The following SPATC1L variants were observed in gnomAD, a reference collection of about 807,000 sequenced individuals.
SPATC1L encodes the protein spermatogenesis and centriole associated 1 like, also known as speriolin-like protein.
In SPATC1L, 20 loss-of-function variants were observed where a neutral mutation model predicts 21.2. The observed-to-expected ratio is 0.94, with a 90% CI of 0.66 to 1.37. The LOEUF is 1.37. Ranked by LOEUF, SPATC1L falls within the 40% of genes most tolerant of loss-of-function variation. SPATC1L has a pLI of 0.00. For synonymous variants in SPATC1L, 290 were observed against 234.5 expected, an observed-to-expected ratio of 1.24 and a Z score of -2.16; for missense variants, 499 against 478.7, an observed-to-expected ratio of 1.04 and a Z score of -0.40.
At chr21:46,177,099 A>G (rs997649913) in intron 2 of SPATC1L, among the ~76,000 whole-genome samples, 1 of 152,234 alleles carries the variant, frequency 6.6e-6, no homozygotes. Flanking sequence ...CTTACACCAT[A>G]TACAAAAATC....
Position 46,182,777 on chromosome 21 carries a change from C to CGCTCAGGAGCCG in SPATC1L, c.28_39dup (p.Arg10_Ser13dup). The CGCTCAGGAGCCG allele has an allele frequency of 6.5e-7, 1 of 1,546,612 alleles. No homozygotes were observed. The highest frequency in any genetic ancestry group is 8.7e-7 in the Non-Finnish European group (1 of 1,145,594). ...ACCTGCTTCTTCAGGTCCGCGTTCT[C>CGCTCAGGAGCCG]GCTCAGGAGCCGGCTCATCAGCTCG... is the stretch of plus-strand genomic sequence containing the variant. On this transcript the variant is annotated inframe_insertion, in exon 2 of 5. Transcript: ENST00000291672.
chr21:46,164,560 G>A (rs1479964588), intron 3 of SPATC1L, among the ~76,000 whole-genome samples: 1 of 152,054 alleles, frequency 6.6e-6, no homozygotes, highest in Non-Finnish European at 1.5e-5. Context: ...TTGGGAAGCC[G>A]AGGTGGGTGG....
chr21:46,161,847 CT>C, intron 4 of SPATC1L, 68 bp downstream of exon 4: 1 of 1,563,048 alleles, frequency 6.4e-7, no homozygotes, highest in Non-Finnish European at 8.6e-7. Flanking sequence ...GAGCCAAGAT[CT>C]GGGGGCCGCA....
chr21:46,183,867 C>T (rs1467516816), intron 1 of SPATC1L, 93 bp from the exon 2 acceptor site: 8 of 27,976 alleles, frequency 2.9e-4, no homozygotes, highest in African/African-American at 1.5e-3. Context: ...CCAGCCTGGG[C>T]GGGGAGATCA....
At chr21:46,181,780 G>A (rs1270489032) in intron 2 of SPATC1L, among the ~76,000 whole-genome samples, 1 of 152,178 alleles carries the variant, frequency 6.6e-6, no homozygotes, top group Non-Finnish European at 1.5e-5. Context: ...TTCCGGGCCC[G>A]GCCCGGTGGG....
chr21:46,172,540 C>T (rs2079601629), intron 2 of SPATC1L, among the ~76,000 whole-genome samples: 1 of 152,232 alleles, frequency 6.6e-6, no homozygotes, highest in African/African-American at 2.4e-5. Context: ...GCAGATGGGA[C>T]CGTTGGTCCT....
chr21:46,161,358 AGGC>A lies in SPATC1L; in HGVS notation c.*18_*20del, dbSNP rs2079485061. On this transcript the variant is annotated 3_prime_UTR_variant, in exon 5 of 5. Transcript: ENST00000291672. ...GGAACAAACGCGTTTACTGCAGGCA[AGGC>A]GGCGGGCGCGGGGCGGCTCACCAGG... The A allele has an allele frequency of 6.7e-7, 1 of 1,493,692 alleles. No homozygotes were observed. Among genetic ancestry groups the A allele is most frequent in the African/African-American group, 1.4e-5 (1 of 71,300 alleles). The allele number at this position is 1,493,692 out of a possible 1,614,324, so 92.5% of individuals were successfully genotyped here.
chr21:46,173,029 G>A (rs1208603405), intron 2 of SPATC1L, among the ~76,000 whole-genome samples: 2 of 152,240 alleles, frequency 1.3e-5, no homozygotes, highest in African/African-American at 2.4e-5. Context: ...GCTTAGAGAA[G>A]TGATGGGGGC....
At chr21:46,173,036 G>C (rs13051757) in intron 2 of SPATC1L, among the ~76,000 whole-genome samples, 119,574 of 152,180 alleles carry the variant, frequency 0.79, 48,559 homozygotes, top group East Asian at 1. Flanking sequence ...GAAGTGATGG[G>C]GGCAGCAGCC....
intron 2 of SPATC1L, among the ~76,000 whole-genome samples, chr21:46,173,329 A>C (rs1015638730): frequency 1.3e-5 from 2 of 152,080 alleles, no homozygotes; most frequent in Non-Finnish European, 2.9e-5. Context: ...GTGCCTGGCC[A>C]GTGGAGAGCT....
chr21:46,161,393 G>C lies in SPATC1L; in HGVS notation c.1009C>G (p.Leu337Val), dbSNP rs1433189039. 2.0e-6 allele frequency: 3 copies of C among 1,521,858 alleles called. No individual in the cohort carries two copies. Among genetic ancestry groups the C allele is most frequent in the Non-Finnish European group, 2.6e-6 (3 of 1,137,536 alleles). The allele number at this position is 1,521,858 out of a possible 1,614,324, so 94.3% of individuals were successfully genotyped here. A position where few individuals can be genotyped will look rare whatever the true frequency, so the allele number is the denominator to read the frequency against. The change falls in exon 5 of 5, where the codon CTC becomes GTC. Residue 337 changes from leucine to valine, a missense_variant. Coordinates refer to ENST00000291672, the MANE Select transcript of SPATC1L (RefSeq NM_001142854.2). The part of the protein sequence containing the change: ...CELSKEDGKP[L>V]FAW ...CGCGGGGCGGCTCACCAGGCGAAGA[G>C]GGGCTTGCCGTCCTCCTTGGAGAGC...
intron 3 of SPATC1L, among the ~76,000 whole-genome samples, chr21:46,165,929 G>A (rs2079537264): frequency 6.6e-6 from 1 of 152,194 alleles, no homozygotes; most frequent in African/African-American, 2.4e-5. Context: ...GGCTCGGGTA[G>A]TTTCAGCGGT....
chr21:46,162,150 C>T (rs2079503861), intron 3 of SPATC1L, 83 bp from the exon 4 acceptor site: 3 of 1,398,088 alleles, frequency 2.1e-6, no homozygotes, highest in Non-Finnish European at 1.9e-6. Flanking sequence ...ACGTGGGGGG[C>T]GGCTCCTCCA....
intron 2 of SPATC1L, among the ~76,000 whole-genome samples, chr21:46,175,277 C>G (rs1170325730): frequency 1.3e-5 from 2 of 152,022 alleles, no homozygotes; most frequent in Non-Finnish European, 2.9e-5. Flanking sequence ...AAACAAATCC[C>G]AAAGCTAGCA....
rs1198363324 is a variant in SPATC1L, at chr21:46,182,996, G to A, written c.-180C>T. The A allele has an allele frequency of 6.4e-5, 40 of 622,952 alleles. No homozygotes were observed. Among genetic ancestry groups the A allele is most frequent in the Non-Finnish European group, 5.2e-6 (2 of 382,292 alleles). 38.6% of individuals were successfully genotyped at this position (622,952 alleles called of 1,614,324 possible). A position where few individuals can be genotyped will look rare whatever the true frequency, so the allele number is the denominator to read the frequency against. On this transcript the variant is annotated 5_prime_UTR_variant, in exon 2 of 5. Coordinates refer to ENST00000291672, the MANE Select transcript of SPATC1L (RefSeq NM_001142854.2). ...TGCCCAGCACCCTGCCTGCCCCCGC[G>A]ATGGCTCATGGCCCCGTTGAGGCAG...
intron 2 of SPATC1L, among the ~76,000 whole-genome samples, chr21:46,170,211 G>A (rs9680324): frequency 6.5e-5 from 4 of 61,386 alleles, no homozygotes; most frequent in African/African-American, 1.9e-4. Flanking sequence ...GGAGCCCCCT[G>A]CTCTGTGAAC....
intron 2 of SPATC1L, among the ~76,000 whole-genome samples, chr21:46,174,344 CAAA>C (rs200980627): frequency 2.9e-5 from 2 of 68,830 alleles, no homozygotes; most frequent in African/African-American, 7.1e-5. Context: ...AAAAACAAAA[CAAA>C]AAAAAAAAAA....
Position 46,162,590 on chromosome 21 carries a change from C to CTTTTTTTTTTTTTTTTTTTTTT in SPATC1L, c.545-524_545-523insAAAAAAAAAAAAAAAAAAAAAA, listed in dbSNP as rs3057184. Among the ~76,000 whole-genome samples, 2 of 133,394 alleles carry CTTTTTTTTTTTTTTTTTTTTTT rather than the reference C, an allele frequency of 1.5e-5. 1 individual carries two copies. Among genetic ancestry groups the CTTTTTTTTTTTTTTTTTTTTTT allele is most frequent in the Non-Finnish European group, 3.1e-5 (2 of 64,956 alleles). 87.5% of individuals were successfully genotyped at this position (133,394 alleles called of 152,430 possible). Reference sequence around the variant, plus strand: ...GAAAAGGACCGCTGGGTTGGCAGGACTTTTTTTTTTTTCTTAGACAGAGTC... The same window carrying CTTTTTTTTTTTTTTTTTTTTTT: ...GAAAAGGACCGCTGGGTTGGCAGGACTTTTTTTTTTTTTTTTTTTTTTTTTTTTTTTTTTCTTAGACAGAGTC... On this transcript the variant is annotated intron_variant, in intron 3 of 4. Transcript: ENST00000291672.
intron 3 of SPATC1L, among the ~76,000 whole-genome samples, chr21:46,165,185 CAA>C: frequency 6.6e-6 from 1 of 152,184 alleles, no homozygotes; most frequent in Non-Finnish European, 1.5e-5. Flanking sequence ...AAAGTTCACT[CAA>C]GAAGAAATAG....
Sources: allele counts gnomAD v4.1 joint callset (sites outside exome capture counted in the v4.1 genomes callset), GRCh38; gene constraint gnomAD v4.1.1; transcripts MANE v1.5; gene names NCBI Gene and HGNC (gene_info 2026-07-23, HGNC 2026-07-21).